The following PRTG variants were observed in gnomAD, a reference collection of about 807,000 sequenced individuals.
PRTG encodes the protein protogenin.
PRTG carries 67 observed loss-of-function variants against 122.5 expected under a neutral mutation model. That is an observed-to-expected ratio of 0.55 (90% CI 0.45 to 0.67). The LOEUF is 0.67. Among genes scored for constraint, PRTG ranks in the 30% least tolerant of loss-of-function variants. PRTG has a pLI of 0.00. For synonymous variants in PRTG, 554 were observed against 501.1 expected, an observed-to-expected ratio of 1.11 and a Z score of -1.41; for missense variants, 1,435 against 1,415.4, an observed-to-expected ratio of 1.01 and a Z score of -0.22.
chr15:55,683,012 A>G (rs990427223), intron 3 of PRTG, among the ~76,000 whole-genome samples: 5 of 152,210 alleles, frequency 3.3e-5, no homozygotes, highest in Admixed American at 1.3e-4. Context: ...AAACATAAAC[A>G]ATCCAGCATG....
intron 4 of PRTG, chr15:55,681,383 T>A (rs1041659164): frequency 6.6e-6 from 1 of 152,118 alleles, no homozygotes; most frequent in Non-Finnish European, 1.5e-5. Context: ...AGTTCAACAA[T>A]GTCTTCAGTC....
chr15:55,642,724 T>C (rs2059299467), intron 11 of PRTG, among the ~76,000 whole-genome samples: 2 of 151,700 alleles, frequency 1.3e-5, no homozygotes, highest in Admixed American at 1.3e-4. Flanking sequence ...TTAATAGATA[T>C]AACCAATCTG....
At chr15:55,695,531 G>A (rs1254037473) in intron 2 of PRTG, among the ~76,000 whole-genome samples, 2 of 152,170 alleles carry the variant, frequency 1.3e-5, no homozygotes, top group East Asian at 1.9e-4. Flanking sequence ...AGGCCTCATC[G>A]ACTGCACCAG....
chr15:55,695,469 C>T (rs2059626827), intron 2 of PRTG, among the ~76,000 whole-genome samples: 1 of 152,170 alleles, frequency 6.6e-6, no homozygotes, highest in African/African-American at 2.4e-5. Context: ...AGAATCCTAA[C>T]GCAGGGTTTT....
At chr15:55,673,709 T>C in intron 9 of PRTG, 33 bp from the exon 10 acceptor site, 1 of 1,569,354 alleles carries the variant, frequency 6.4e-7, no homozygotes, top group Non-Finnish European at 8.7e-7. Flanking sequence ...TGTTTATAAA[T>C]ATTTAGAATC....
chr15:55,620,831 G>A, intron 18 of PRTG, 64 bp from the exon 19 acceptor site: 2 of 1,355,868 alleles, frequency 1.5e-6, no homozygotes, highest in Non-Finnish European at 2.0e-6. Context: ...TTTATCACAA[G>A]TAGTGCATAC....
chr15:55,662,189 T>C (rs1478586436), intron 11 of PRTG, among the ~76,000 whole-genome samples: 2 of 152,214 alleles, frequency 1.3e-5, no homozygotes, highest in Non-Finnish European at 2.9e-5. Flanking sequence ...GATTTAAGTA[T>C]GAAATAAAGT....
At chr15:55,671,208 G>A (rs567561570) in intron 11 of PRTG, among the ~76,000 whole-genome samples, 5 of 152,290 alleles carry the variant, frequency 3.3e-5, no homozygotes, top group Admixed American at 6.5e-5. Flanking sequence ...GCTACCATGA[G>A]TCCAGGGAAG....
chr15:55,632,318 C>G (rs1451770502), intron 15 of PRTG, among the ~76,000 whole-genome samples: 1 of 152,102 alleles, frequency 6.6e-6, no homozygotes, highest in Non-Finnish European at 1.5e-5. Flanking sequence ...CAGCTTATTA[C>G]TTTCACCATT....
At chr15:55,719,664 T>C (rs765999075) in intron 2 of PRTG, among the ~76,000 whole-genome samples, 2 of 152,174 alleles carry the variant, frequency 1.3e-5, no homozygotes, top group Non-Finnish European at 2.9e-5. Context: ...AATCATAACA[T>C]AGTAGTATTA....
chr15:55,682,641 T>C (rs572647482), intron 3 of PRTG, 144 bp from the exon 4 acceptor site: 5 of 291,074 alleles, frequency 1.7e-5, no homozygotes, highest in Non-Finnish European at 2.8e-5. Context: ...CTCAGCTCAC[T>C]GGAACGTCTG....
At position 55,680,137 on chromosome 15, in the gene PRTG, T is replaced by G; in HGVS notation, c.890A>C (p.Gln297Pro). The G allele has an allele frequency of 6.2e-7, 1 of 1,613,218 alleles. No homozygotes were observed. Among genetic ancestry groups the G allele is most frequent in the Non-Finnish European group, 8.5e-7 (1 of 1,179,238 alleles). ...CCGACAAACATATACTCCAGCATGT[T>G]GTAGCCTGACATCAGATATCATGAG... ...GNLMISDVRL[Q>P]HAGVYVCRAT... Residue 297 changes from glutamine (Q) to proline (P), a missense_variant, in exon 6 of 20, where the codon CAA (glutamine) becomes CCA (proline). Coordinates refer to ENST00000389286, the MANE Select transcript of PRTG (RefSeq NM_173814.6).
At chr15:55,635,575 A>G (rs1274811917) in intron 15 of PRTG, among the ~76,000 whole-genome samples, 1 of 152,208 alleles carries the variant, frequency 6.6e-6, no homozygotes, top group Non-Finnish European at 1.5e-5. Flanking sequence ...GATAACCGAT[A>G]TAAACATAAA....
At chr15:55,664,368 C>T (rs950997667) in intron 11 of PRTG, among the ~76,000 whole-genome samples, 1 of 152,226 alleles carries the variant, frequency 6.6e-6, no homozygotes, top group African/African-American at 2.4e-5. Flanking sequence ...GTCTTGAACT[C>T]CCGACCTCAG....
chr15:55,733,977 GTTCT>G, intron 2 of PRTG, among the ~76,000 whole-genome samples: 1 of 152,332 alleles, frequency 6.6e-6, no homozygotes, highest in South Asian at 2.1e-4. Context: ...ACTGGAAAGT[GTTCT>G]ACTACTTTCG....
At chr15:55,741,227 C>T (rs1298566079) in intron 1 of PRTG, among the ~76,000 whole-genome samples, 2 of 152,216 alleles carry the variant, frequency 1.3e-5, no homozygotes, top group Non-Finnish European at 2.9e-5. Context: ...ACAGCAGGGA[C>T]TCTATCTCCT....
intron 2 of PRTG, among the ~76,000 whole-genome samples, chr15:55,722,885 T>C (rs1190104111): frequency 1.3e-5 from 2 of 152,194 alleles, no homozygotes; most frequent in Non-Finnish European, 2.9e-5. Flanking sequence ...TTTTGTTCCA[T>C]AGCAACATAG....
At chr15:55,736,860 A>C (rs1371897910) in intron 2 of PRTG, among the ~76,000 whole-genome samples, 5 of 152,188 alleles carry the variant, frequency 3.3e-5, no homozygotes, top group African/African-American at 1.2e-4. Context: ...GAAATAAACA[A>C]CTAGCTTCCT....
chr15:55,734,683 C>T (rs2031353687), intron 2 of PRTG, among the ~76,000 whole-genome samples: 1 of 151,976 alleles, frequency 6.6e-6, no homozygotes, highest in Admixed American at 6.6e-5. Flanking sequence ...TTCATGCCTT[C>T]TGCTCAGTCT....
Sources: gnomAD v4.1 joint callset for allele counts (sites outside exome capture counted in the v4.1 genomes callset) on GRCh38, gnomAD v4.1.1 for gene constraint, MANE v1.5 for transcripts, NCBI Gene and HGNC (gene_info 2026-07-23, HGNC 2026-07-21) for gene names.